JAKMIP2: variants seen among roughly 807,000 people sequenced by gnomAD.
JAKMIP2 encodes the protein janus kinase and microtubule-interacting protein 2.
Under a neutral mutation model 115.0 loss-of-function variants are expected in JAKMIP2, and 25 were observed. The observed-to-expected ratio is 0.22, with a 90% CI of 0.16 to 0.30. The LOEUF is 0.30. JAKMIP2 is among the 10% of genes least tolerant of loss of function. The pLI is 1.00. For missense variants in JAKMIP2, 642 were observed against 957.6 expected (o/e 0.67, Z 4.35); for synonymous variants, 334 against 343.6 (o/e 0.97, Z 0.31).
chr5:147,675,616 C>T (rs7705812), intron 1 of JAKMIP2, among the ~76,000 whole-genome samples: 50,212 of 151,088 alleles, frequency 0.33, 9,441 homozygotes, highest in African/African-American at 0.5. Context: ...AGAACATTTT[C>T]GTCACTCCCA....
chr5:147,611,465 G>T (rs759914403), intron 20 of JAKMIP2, among the ~76,000 whole-genome samples: 5 of 152,120 alleles, frequency 3.3e-5, no homozygotes, highest in Non-Finnish European at 5.9e-5. Flanking sequence ...TGCGCTTCTT[G>T]GGTGAGGCAA....
intron 1 of JAKMIP2, among the ~76,000 whole-genome samples, chr5:147,706,376 G>C (rs902722917): frequency 1.3e-5 from 2 of 151,994 alleles, no homozygotes; most frequent in African/African-American, 4.8e-5. Flanking sequence ...AGAGGCATGG[G>C]GATTCTGGCT....
intron 3 of JAKMIP2, among the ~76,000 whole-genome samples, chr5:147,652,743 C>T (rs1196250188): frequency 2.0e-5 from 3 of 152,158 alleles, no homozygotes; most frequent in Non-Finnish European, 4.4e-5. Flanking sequence ...ACAGAATGTG[C>T]AGGTTTGTTA....
At chr5:147,782,113 G>T (rs549778747) in intron 1 of JAKMIP2, among the ~76,000 whole-genome samples, 1 of 152,174 alleles carries the variant, frequency 6.6e-6, no homozygotes, top group African/African-American at 2.4e-5. Flanking sequence ...CAAATGAAAT[G>T]ATTCCTTTCA....
rs3765007 is a variant in JAKMIP2, at chr5:147,628,985, G to A, written c.1930-169C>T. On this transcript the variant is annotated intron_variant, in intron 15 of 21. Coordinates refer to ENST00000616793, the MANE Select transcript of JAKMIP2 (RefSeq NM_001270941.2). ...CTGAACAAAGAGTTAATCAAAACCC[G>A]GAAGAAGTATATTAAACGTGATTTT... Among the ~76,000 whole-genome samples the A allele has an allele frequency of 6.5e-3, 989 of 152,154 alleles. 52 individuals carry two copies. The East Asian group carries it at 0.13, about 20-fold the overall frequency.
intron 21 of JAKMIP2, among the ~76,000 whole-genome samples, chr5:147,600,628 T>C (rs201861058): frequency 6.6e-6 from 1 of 152,182 alleles, no homozygotes; most frequent in Non-Finnish European, 1.5e-5. Context: ...TTGAGATTTG[T>C]GGTTTCCCTA....
intron 1 of JAKMIP2, among the ~76,000 whole-genome samples, chr5:147,717,746 G>C (rs1372374615): frequency 2.0e-5 from 3 of 146,468 alleles, no homozygotes; most frequent in Admixed American, 6.9e-5. Context: ...GAGATTTTGG[G>C]CTGAGACAAT....
intron 3 of JAKMIP2, among the ~76,000 whole-genome samples, chr5:147,657,222 G>C (rs61062128): frequency 6.6e-6 from 1 of 152,214 alleles, no homozygotes; most frequent in Non-Finnish European, 1.5e-5. Flanking sequence ...GGAGCTTGCA[G>C]TGAGCCGAGA....
At chr5:147,634,470 A>G (rs1222858281) in intron 12 of JAKMIP2, among the ~76,000 whole-genome samples, 3 of 152,194 alleles carry the variant, frequency 2.0e-5, no homozygotes, top group Non-Finnish European at 4.4e-5. Flanking sequence ...TAAACTTTCA[A>G]AAGTTTGTAG....
intron 1 of JAKMIP2, among the ~76,000 whole-genome samples, chr5:147,699,438 G>T (rs1449996970): frequency 6.7e-6 from 1 of 149,350 alleles, no homozygotes; most frequent in African/African-American, 2.5e-5. Context: ...TTACATTGGT[G>T]AAAAAAAAAC....
intron 2 of JAKMIP2, among the ~76,000 whole-genome samples, chr5:147,663,598 T>G (rs140180823): frequency 4.4e-4 from 67 of 152,376 alleles, no homozygotes; most frequent in African/African-American, 1.6e-3. Context: ...CTATTAGTTC[T>G]GTCCCTCTAG....
intron 19 of JAKMIP2, among the ~76,000 whole-genome samples, chr5:147,617,257 A>G (rs954092079): frequency 6.6e-6 from 1 of 152,214 alleles, no homozygotes; most frequent in Non-Finnish European, 1.5e-5. Flanking sequence ...CAGCAGACCT[A>G]GGCTGTCATC....
chr5:147,766,161 C>G (rs1385152532), intron 1 of JAKMIP2, among the ~76,000 whole-genome samples: 1 of 152,116 alleles, frequency 6.6e-6, no homozygotes, highest in Non-Finnish European at 1.5e-5. Flanking sequence ...TCACTTCCCT[C>G]AAAGAGACAC....
At chr5:147,705,369 G>A (rs774165747) in intron 1 of JAKMIP2, among the ~76,000 whole-genome samples, 3 of 152,104 alleles carry the variant, frequency 2.0e-5, no homozygotes, top group Non-Finnish European at 4.4e-5. Context: ...TTGGGAGGTC[G>A]AGGTGGATGG....
intron 1 of JAKMIP2, among the ~76,000 whole-genome samples, chr5:147,770,356 T>C (rs1048636865): frequency 3.3e-5 from 5 of 152,158 alleles, no homozygotes; most frequent in Admixed American, 6.5e-5. Flanking sequence ...TGGGTTTACA[T>C]AGACAAACAC....
chr5:147,688,372 A>C (rs1760671237), intron 1 of JAKMIP2, among the ~76,000 whole-genome samples: 1 of 152,140 alleles, frequency 6.6e-6, no homozygotes, highest in African/African-American at 2.4e-5. Flanking sequence ...AATCCTGCAA[A>C]ACCGTATGCA....
chr5:147,697,663 A>G (rs6880369), intron 1 of JAKMIP2, among the ~76,000 whole-genome samples: 64,801 of 152,076 alleles, frequency 0.43, 16,147 homozygotes, highest in African/African-American at 0.68. Flanking sequence ...GGTACAGCTC[A>G]GGCCATGCCT....
At position 147,671,759 on chromosome 5, in the gene JAKMIP2, A is replaced by C. The variant is rs1759604548; in HGVS notation, c.48T>G (p.Ile16Met). ...RNKGEKPEAL[I>M]VALQAANEDL... ...CTTCATTGGCAGCTTGAAGGGCAAC[A>C]ATGAGTGCCTCGGGCTTCTCGCCCT... Residue 16 changes from isoleucine to methionine, a missense_variant, in exon 2 of 22, where the codon ATT becomes ATG. Ile to Met is a conservative substitution (Grantham distance 10). Coordinates refer to ENST00000616793, the MANE Select transcript of JAKMIP2 (RefSeq NM_001270941.2). 1 of 1,592,198 alleles carries C rather than the reference A, an allele frequency of 6.3e-7. No individual in the cohort carries two copies. Among genetic ancestry groups the C allele is most frequent in the Non-Finnish European group, 8.6e-7 (1 of 1,168,704 alleles).
chr5:147,662,940 T>C (rs532021405), intron 2 of JAKMIP2, among the ~76,000 whole-genome samples: 161 of 151,522 alleles, frequency 1.1e-3, no homozygotes, highest in Non-Finnish European at 1.9e-3. Context: ...GAGCCAAGAT[T>C]GCACCATTGC....
Sources: gnomAD v4.1 joint callset for allele counts (sites outside exome capture counted in the v4.1 genomes callset) on GRCh38, gnomAD v4.1.1 for gene constraint, MANE v1.5 for transcripts, NCBI Gene and HGNC (gene_info 2026-07-23, HGNC 2026-07-21) for gene names.